Variants in MFSD6 observed in about 807,000 individuals in gnomAD.
MFSD6 encodes major facilitator superfamily domain containing 6.
MFSD6 carries 26 observed loss-of-function variants against 56.3 expected under a neutral mutation model. The observed-to-expected ratio is 0.46, with a 90% confidence interval of 0.34 to 0.64. MFSD6 has a LOEUF of 0.64. Ranked by LOEUF, MFSD6 falls within the 30% of genes least tolerant of loss-of-function variation. The pLI is 0.01. For missense variants in MFSD6, 750 were observed against 986.2 expected (o/e 0.76, Z 3.21); for synonymous variants, 331 against 366.9 (o/e 0.90, Z 1.12).
rs1687816529 is a variant in MFSD6, at chr2:190,469,846, G to A, written c.1621G>A (p.Val541Ile). The change falls in exon 4 of 8, where the codon GTT (valine) becomes ATT (isoleucine). Residue 541 changes from valine to isoleucine, a missense_variant. Around this residue, in one of 5 missense-constraint regions of MFSD6, gnomAD observed 125 missense variants for 223.1 expected, o/e 0.56. Transcript: ENST00000392328. The surrounding 1 kb of genome is among the most constrained non-coding windows in gnomAD (Gnocchi z 5.3). ...ENAWTVLPME[V>I]LQGVTHAAIW... is the part of the protein sequence containing the mutation. ...TGCCTGGACTGTTCTCCCCATGGAA[G>A]TTCTTCAAGGTAAGTTAACAGCTGG... 1 of 1,597,370 alleles carries A rather than the reference G, an allele frequency of 6.3e-7. No homozygotes were observed. The highest frequency in any genetic ancestry group is 8.6e-7 in the Non-Finnish European group (1 of 1,169,020).
rs371617068 is a variant in MFSD6 at position 190,492,952 on chromosome 2, A to G, written c.1891+3086A>G. Among the ~76,000 whole-genome samples, 11 of 152,226 alleles carry G rather than the reference A, an allele frequency of 7.2e-5. No homozygotes were observed. In the South Asian group the frequency reaches 1.2e-3, roughly 17 times the overall value. ...AAAGCATAAATCTCACAGGACCTAT[A>G]AAACAAAATACAATTAAAAAAAAAA... On this transcript the variant is annotated intron_variant, in intron 6 of 7. Transcript: ENST00000392328. The surrounding 1 kb of genome is among the most constrained non-coding windows in gnomAD (Gnocchi z 5.2).
chr2:190,453,546 T>A (rs751330361), intron 3 of MFSD6, among the ~76,000 whole-genome samples: 6 of 152,212 alleles, frequency 3.9e-5, no homozygotes, highest in Non-Finnish European at 7.3e-5. Flanking sequence ...CAGTGTTACT[T>A]CTGGAAGCAG....
Position 190,418,865 on chromosome 2 carries a change from C to T in MFSD6, c.-54+3452C>T, listed in dbSNP as rs2124992687. On this transcript the variant is annotated intron_variant, in intron 2 of 7. Coordinates refer to ENST00000392328, the MANE Select transcript of MFSD6 (RefSeq NM_017694.4). This position sits in a 1 kb window ranked among gnomAD's most constrained non-coding sequence, Gnocchi z 4.1. ...AGTAGCAGCTCTGGGGAGCTAGTAGCAGCTCTGGGGAGCCCGTGGGCAGTG... is the reference window on the plus strand; with the variant it reads ...AGTAGCAGCTCTGGGGAGCTAGTAGTAGCTCTGGGGAGCCCGTGGGCAGTG... Among the ~76,000 whole-genome samples, 1 of 152,324 alleles carries T rather than the reference C, an allele frequency of 6.6e-6. No homozygotes were observed. Among genetic ancestry groups the T allele is most frequent in the Non-Finnish European group, 1.5e-5 (1 of 68,034 alleles).
rs949508175 is a variant in MFSD6 at position 190,494,386 on chromosome 2, C to T, written c.1892-3053C>T. On this transcript the variant is annotated intron_variant, in intron 6 of 7. Transcript: ENST00000392328. The surrounding 1 kb of genome is among the most constrained non-coding windows in gnomAD (Gnocchi z 5.7). ...ATTGCCAACAAAAAAAAGTCCAGGA[C>T]CAGATGGAGTCACAGCTGAATTCTA... is the stretch of plus-strand genomic sequence containing the variant. Among the ~76,000 whole-genome samples the T allele has an allele frequency of 6.6e-6, 1 of 152,066 alleles. No homozygotes were observed. The highest frequency in any genetic ancestry group is 2.4e-5 in the African/African-American group (1 of 41,412).
chr2:190,436,990 A>C lies in MFSD6; in HGVS notation c.961A>C (p.Arg321=). ...CACACTCCAGTATCTGGGAAAACAC[A>C]GAGATCGCTATGGGTTGCAGCGCAT... is the stretch of plus-strand genomic sequence containing the variant. The part of the protein sequence containing the change: ...TVTLQYLGKH[R]DRYGLQRMWG... The change falls in exon 3 of 8, where the codon AGA becomes CGA. Residue 321 remains arginine (R), a synonymous_variant. Coordinates refer to ENST00000392328, the MANE Select transcript of MFSD6 (RefSeq NM_017694.4). The surrounding 1 kb of genome is among the most constrained non-coding windows in gnomAD (Gnocchi z 5.3). 1 of 1,614,196 alleles carries C rather than the reference A, an allele frequency of 6.2e-7. No individual in the cohort carries two copies. Among genetic ancestry groups the C allele is most frequent in the Non-Finnish European group, 8.5e-7 (1 of 1,180,034 alleles).
At chr2:190,414,887 C>T (rs1008438909) in intron 1 of MFSD6, among the ~76,000 whole-genome samples, 4 of 152,150 alleles carry the variant, frequency 2.6e-5, no homozygotes, top group African/African-American at 9.7e-5. Flanking sequence ...ATTTGAGCTA[C>T]ATAGATTTAC....
At chr2:190,472,694 C>A (rs917573341) in intron 4 of MFSD6, among the ~76,000 whole-genome samples, 3 of 152,190 alleles carry the variant, frequency 2.0e-5, no homozygotes, top group Non-Finnish European at 2.9e-5. Flanking sequence ...CTTCCCCAAT[C>A]TAGCAAGGCA....
At position 190,412,126 on chromosome 2, in the gene MFSD6, T is replaced by C; in HGVS notation, c.-175-3166T>C. ...CTTGTTAAATACAGTCCCATAGTTC[T>C]ATCCAATTCTATGTAAAATTAACTA... is the stretch of plus-strand genomic sequence containing the variant. On this transcript the variant is annotated intron_variant, in intron 1 of 7. Coordinates refer to ENST00000392328, the MANE Select transcript of MFSD6 (RefSeq NM_017694.4). This position sits in a 1 kb window ranked among gnomAD's most constrained non-coding sequence, Gnocchi z 4.1. The C allele has an allele frequency of 3.0e-6, 3 of 983,974 alleles. No individual in the cohort carries two copies. The highest frequency in any genetic ancestry group is 3.6e-6 in the Non-Finnish European group (3 of 828,600). The allele number at this position is 983,974 out of a possible 1,614,324, so 61.0% of individuals were successfully genotyped here. A position where few individuals can be genotyped will look rare whatever the true frequency, so the allele number is the denominator to read the frequency against.
In MFSD6 at chr2:190,437,931, C is replaced by T. The variant is rs1388004669; in HGVS notation, c.1532+370C>T. 2.0e-5 allele frequency among the ~76,000 whole-genome samples: 3 copies of T among 152,120 alleles called. No individual in the cohort carries two copies. The highest frequency in any genetic ancestry group is 7.2e-5 in the African/African-American group (3 of 41,412). On this transcript the variant is annotated intron_variant, in intron 3 of 7. Transcript: ENST00000392328. This position sits in a 1 kb window ranked among gnomAD's most constrained non-coding sequence, Gnocchi z 5.9. The stretch of plus-strand genomic sequence containing the variant: ...CCACCTGTCCTAGGCATTTATGAAC[C>T]AGAGCTTAAGTAGATAAAGTGGACT...
chr2:190,473,889 C>A (rs1452520462), intron 4 of MFSD6, among the ~76,000 whole-genome samples: 3 of 152,144 alleles, frequency 2.0e-5, no homozygotes, highest in African/African-American at 7.2e-5. Flanking sequence ...TGCAATCAAA[C>A]TAGAACTCAG....
At chr2:190,450,891 A>G (rs1343687748) in intron 3 of MFSD6, among the ~76,000 whole-genome samples, 1 of 152,222 alleles carries the variant, frequency 6.6e-6, no homozygotes, top group Non-Finnish European at 1.5e-5. Context: ...GTCCAGGTGT[A>G]CTATACCTTT....
chr2:190,440,948 C>T (rs1661476481), intron 3 of MFSD6, among the ~76,000 whole-genome samples: 4 of 152,156 alleles, frequency 2.6e-5, no homozygotes. Context: ...TGCTGGGCTT[C>T]AGCACAGCCA....
At chr2:190,448,449 T>G (rs1437390248) in intron 3 of MFSD6, among the ~76,000 whole-genome samples, 1 of 152,176 alleles carries the variant, frequency 6.6e-6, no homozygotes, top group African/African-American at 2.4e-5. Flanking sequence ...TTCAATATGG[T>G]ATAGTCATAA....
Position 190,435,983 on chromosome 2 carries a change from A to G in MFSD6, c.-47A>G, listed in dbSNP as rs767662723. ...TTTAAATTTTACTTTACAGATCAAC[A>G]GTACAAATTCTGAAGTTTGTAAACT... On this transcript the variant is annotated 5_prime_UTR_variant, in exon 3 of 8. Coordinates refer to ENST00000392328, the MANE Select transcript of MFSD6 (RefSeq NM_017694.4). 25 of 1,551,488 alleles carry G rather than the reference A, an allele frequency of 1.6e-5. No homozygotes were observed. Among genetic ancestry groups the G allele is most frequent in the Middle Eastern group, 3.5e-4 (2 of 5,794 alleles).
Position 190,423,210 on chromosome 2 carries a change from T to A in MFSD6, c.-54+7797T>A, listed in dbSNP as rs548160303. Among the ~76,000 whole-genome samples, 9 of 152,332 alleles carry A rather than the reference T, an allele frequency of 5.9e-5. No homozygotes were observed. The South Asian group carries it at 1.7e-3, about 28-fold the overall frequency. ...AATAGCACCATTGACATTGAGGCAG[T>A]CAAGATACAGAACATTTCTCTCTGT... On this transcript the variant is annotated intron_variant, in intron 2 of 7. Transcript: ENST00000392328. This position sits in a 1 kb window ranked among gnomAD's most constrained non-coding sequence, Gnocchi z 4.3.
At chr2:190,446,648 T>C (rs1318114165) in intron 3 of MFSD6, among the ~76,000 whole-genome samples, 1 of 152,084 alleles carries the variant, frequency 6.6e-6, no homozygotes, top group Non-Finnish European at 1.5e-5. Flanking sequence ...TAATGAAACA[T>C]GGACTACGAA....
chr2:190,414,538 A>G (rs958284119), intron 1 of MFSD6, among the ~76,000 whole-genome samples: 2 of 152,206 alleles, frequency 1.3e-5, no homozygotes, highest in African/African-American at 4.8e-5. Context: ...AAAGGTGTGC[A>G]TATCTTTTAA....
In MFSD6 at chr2:190,416,486, C is replaced by A. The variant is rs1428913483; in HGVS notation, c.-54+1073C>A. Among the ~76,000 whole-genome samples the A allele has an allele frequency of 1.3e-5, 2 of 152,108 alleles. No homozygotes were observed. Among genetic ancestry groups the A allele is most frequent in the African/African-American group, 2.4e-5 (1 of 41,414 alleles). ...TGAATTATCATTCCAGTCCATATTA[C>A]AATAGTGTGTTCTCCAGTGAACCAG... On this transcript the variant is annotated intron_variant, in intron 2 of 7. Coordinates refer to ENST00000392328, the MANE Select transcript of MFSD6 (RefSeq NM_017694.4). The surrounding 1 kb of genome is among the most constrained non-coding windows in gnomAD (Gnocchi z 4.1).
chr2:190,460,439 G>A (rs1198592287), intron 3 of MFSD6, among the ~76,000 whole-genome samples: 1 of 152,122 alleles, frequency 6.6e-6, no homozygotes, highest in Non-Finnish European at 1.5e-5. Flanking sequence ...TGTGCATAGT[G>A]TATATCCCTA....
Sources: gnomAD v4.1 joint callset for allele counts (sites outside exome capture counted in the v4.1 genomes callset) on GRCh38, gnomAD v4.1.1 for gene constraint, gnomAD v4.1.1 regional missense constraint, Gnocchi (gnomAD v3.1) non-coding constraint, MANE v1.5 for transcripts, NCBI Gene and HGNC (gene_info 2026-07-23, HGNC 2026-07-21) for gene names.